The following CSMD1 variants were observed in gnomAD, a reference collection of about 807,000 sequenced individuals.
CSMD1 encodes the protein CUB and Sushi multiple domains 1, also known as CUB and sushi domain-containing protein 1.
A neutral mutation model predicts 417.5 loss-of-function variants in CSMD1; 213 were observed. That is an observed-to-expected ratio of 0.51 (90% CI 0.46 to 0.57). The LOEUF (loss-of-function observed/expected upper bound fraction) is 0.57, where lower values mean the gene tolerates loss of function less well. Among genes scored for constraint, CSMD1 ranks in the 20% least tolerant of loss-of-function variants. The probability of loss-of-function intolerance (pLI) is 0.00; values close to 1 mark genes in which losing one functional copy is unlikely to be tolerated. For missense variants in CSMD1, 6,923 were observed against 4,529.7 expected, an observed-to-expected ratio of 1.53 and a Z score of -15.17; for synonymous variants, 2,862 against 1,736.8, an observed-to-expected ratio of 1.65 and a Z score of -16.11.
Position 4,394,323 on chromosome 8 carries a change from A to G in CSMD1, c.415+25630T>C, listed in dbSNP as rs75420987. Among the ~76,000 whole-genome samples the G allele has an allele frequency of 6.6e-3, 1,007 of 152,318 alleles. 33 individuals are homozygous for G. The East Asian group carries it at 0.089, about 13-fold the overall frequency. On this transcript the variant is annotated intron_variant, in intron 3 of 69. Coordinates refer to ENST00000635120, the MANE Select transcript of CSMD1 (RefSeq NM_033225.6). ...TTACCCTCCTATGTTTCAATAATTT[A>G]ATGGAGAATGTAGTTATTCTCTTGG... is the stretch of plus-strand genomic sequence containing the variant.
intron 3 of CSMD1, among the ~76,000 whole-genome samples, chr8:4,150,870 AT>A (rs769786716): frequency 3.1e-4 from 35 of 111,484 alleles, no homozygotes; most frequent in African/African-American, 7.2e-4. Context: ...ATATAAAAAA[AT>A]GTCCTGCTGA....
chr8:4,389,790 G>A (rs1803720187), intron 3 of CSMD1, among the ~76,000 whole-genome samples: 1 of 152,036 alleles, frequency 6.6e-6, no homozygotes, highest in Non-Finnish European at 1.5e-5. Context: ...TATTAAAAAT[G>A]TAAAGCCTTA....
In CSMD1 at chr8:4,633,306, G is replaced by C. The variant is rs182836807; in HGVS notation, c.302+4036C>G. ...CTGTCCCCCAGGCTGGAGTGCAGTGGTGCGATCTCGGCTCACTGAAAGCTC... is the reference window on the plus strand; with the variant it reads ...CTGTCCCCCAGGCTGGAGTGCAGTGCTGCGATCTCGGCTCACTGAAAGCTC... On this transcript the variant is annotated intron_variant, in intron 2 of 69. Coordinates refer to ENST00000635120, the MANE Select transcript of CSMD1 (RefSeq NM_033225.6). Among the ~76,000 whole-genome samples the C allele has an allele frequency of 2.7e-3, 404 of 151,946 alleles. 1 individual carries two copies. The highest frequency in any genetic ancestry group is 8.8e-3 in the African/African-American group (365 of 41,460).
intron 7 of CSMD1, among the ~76,000 whole-genome samples, chr8:3,635,442 C>G (rs1023128305): frequency 6.6e-6 from 1 of 151,380 alleles, no homozygotes; most frequent in African/African-American, 2.4e-5. Context: ...CGAGAGTGCA[C>G]CACTACACTC....
At chr8:4,093,347 G>A (rs1050114739) in intron 3 of CSMD1, among the ~76,000 whole-genome samples, 2 of 152,002 alleles carry the variant, frequency 1.3e-5, no homozygotes, top group Admixed American at 6.6e-5. Flanking sequence ...AAATGTAGAA[G>A]AATAATGAAA....
At chr8:3,277,837 C>A (rs1027958158) in intron 26 of CSMD1, among the ~76,000 whole-genome samples, 11 of 152,098 alleles carry the variant, frequency 7.2e-5, no homozygotes, top group Admixed American at 6.5e-4. Context: ...TGAATTATGT[C>A]CAAGGGTTAC....
chr8:3,317,938 G>A (rs1805884318), intron 23 of CSMD1, among the ~76,000 whole-genome samples: 1 of 152,144 alleles, frequency 6.6e-6, no homozygotes, highest in South Asian at 2.1e-4. Flanking sequence ...AGCCTATTGA[G>A]TAGCTGGGAC....
intron 23 of CSMD1, among the ~76,000 whole-genome samples, chr8:3,339,214 T>C (rs1807481144): frequency 6.6e-6 from 1 of 152,136 alleles, no homozygotes; most frequent in Non-Finnish European, 1.5e-5. Flanking sequence ...ATGTGCCACA[T>C]TTTCTTGATC....
intron 1 of CSMD1, among the ~76,000 whole-genome samples, chr8:4,857,923 C>A (rs2116860908): frequency 6.6e-6 from 1 of 151,722 alleles, no homozygotes; most frequent in East Asian, 1.9e-4. Flanking sequence ...ATGAGGCCAG[C>A]ATCATTCTGA....
chr8:4,788,881 G>A (rs1380504751), intron 1 of CSMD1, among the ~76,000 whole-genome samples: 1 of 152,202 alleles, frequency 6.6e-6, no homozygotes, highest in Non-Finnish European at 1.5e-5. Context: ...TCCAGGGCAG[G>A]CACATGCCCA....
At chr8:4,162,519 G>A (rs546210382) in intron 3 of CSMD1, among the ~76,000 whole-genome samples, 2 of 152,242 alleles carry the variant, frequency 1.3e-5, no homozygotes, top group East Asian at 1.9e-4. Flanking sequence ...TAACTTGCCA[G>A]AATATTAAAT....
intron 1 of CSMD1, among the ~76,000 whole-genome samples, chr8:4,755,298 T>C (rs2117068234): frequency 6.6e-6 from 1 of 152,332 alleles, no homozygotes; most frequent in South Asian, 2.1e-4. Context: ...TATTTTCTTC[T>C]TTATAGCACT....
chr8:3,459,861 C>A (rs11780647), intron 12 of CSMD1, among the ~76,000 whole-genome samples: 38,316 of 151,496 alleles, frequency 0.25, 5,927 homozygotes, highest in South Asian at 0.36. Flanking sequence ...TATAAAAACT[C>A]AACTAAGACT....
At chr8:3,792,100 C>T (rs1799781056) in intron 5 of CSMD1, among the ~76,000 whole-genome samples, 1 of 152,078 alleles carries the variant, frequency 6.6e-6, no homozygotes, top group Non-Finnish European at 1.5e-5. Context: ...ACTTCCTGAG[C>T]CTGGGCCAAA....
At chr8:4,250,533 G>A (rs1802997138) in intron 3 of CSMD1, among the ~76,000 whole-genome samples, 1 of 152,102 alleles carries the variant, frequency 6.6e-6, no homozygotes, top group Non-Finnish European at 1.5e-5. Context: ...CGCCCATGAA[G>A]TCAACCCTCA....
In CSMD1 at chr8:4,107,243, A is replaced by C. The variant is rs145884858; in HGVS notation, c.416-75144T>G. On this transcript the variant is annotated intron_variant, in intron 3 of 69. Transcript: ENST00000635120. Reference sequence around the variant, plus strand: ...TAGAAGTAGCTGGCGCCAGAATGGAAACCCAGTTCCAGCTGATTCAAAGTG... The same window carrying C: ...TAGAAGTAGCTGGCGCCAGAATGGACACCCAGTTCCAGCTGATTCAAAGTG... 1.6e-4 allele frequency among the ~76,000 whole-genome samples: 24 copies of C among 152,308 alleles called. No homozygotes were observed. In the East Asian group the frequency reaches 4.2e-3, roughly 27 times the overall value.
chr8:3,634,375 G>A (rs141081128), intron 7 of CSMD1, among the ~76,000 whole-genome samples: 3 of 152,174 alleles, frequency 2.0e-5, no homozygotes, highest in African/African-American at 7.2e-5. Flanking sequence ...AACTTCTATA[G>A]GCACCGAGGC....
chr8:3,386,913 A>G (rs1007874961), intron 18 of CSMD1, among the ~76,000 whole-genome samples: 7 of 152,212 alleles, frequency 4.6e-5, no homozygotes, highest in African/African-American at 1.4e-4. Context: ...TATAACGTTG[A>G]GCAATACAAT....
intron 6 of CSMD1, among the ~76,000 whole-genome samples, chr8:3,750,274 C>A (rs912869521): frequency 2.0e-5 from 3 of 151,254 alleles, no homozygotes; most frequent in African/African-American, 7.3e-5. Flanking sequence ...ATATGCGAAG[C>A]ATAAAAATGT....
Sources: gnomAD v4.1 joint callset for allele counts (sites outside exome capture counted in the v4.1 genomes callset) on GRCh38, gnomAD v4.1.1 for gene constraint, MANE v1.5 for transcripts, NCBI Gene and HGNC (gene_info 2026-07-23, HGNC 2026-07-21) for gene names.